TRIM7: variants seen among roughly 807,000 people sequenced by gnomAD.
TRIM7 encodes E3 ubiquitin-protein ligase TRIM7.
Under a neutral mutation model 37.9 loss-of-function variants are expected in TRIM7, and 32 were observed. The observed-to-expected ratio is 0.84, with a 90% CI of 0.64 to 1.13. The LOEUF (loss-of-function observed/expected upper bound fraction) is 1.13, where lower values mean the gene tolerates loss of function less well. Ranked by LOEUF, TRIM7 falls within the 50% of genes most tolerant of loss-of-function variation. TRIM7 has a pLI of 0.00. For synonymous variants in TRIM7, 351 were observed against 321.3 expected, an observed-to-expected ratio of 1.09 and a Z score of -0.99; for missense variants, 732 against 714.0, an observed-to-expected ratio of 1.03 and a Z score of -0.29.
In TRIM7 at chr5:181,203,639, T is replaced by C. The variant is rs1304454096; in HGVS notation, c.524A>G (p.Glu175Gly). Residue 175 changes from glutamate to glycine, a missense_variant and splice_region_variant, in exon 2 of 7, where the codon GAG (glutamate) becomes GGG (glycine). Coordinates refer to ENST00000274773, the MANE Select transcript of TRIM7 (RefSeq NM_203293.3). ...PLDEAVQEAKELLESRLRVLK... is the reference protein window; with the variant it reads ...PLDEAVQEAKGLLESRLRVLK... Reference sequence around the variant, plus strand: ...GACCCTCAGCCTGGACTCCAAGAGCTCCTGTAGATGAAGGGAAACAATGTA... The same window carrying C: ...GACCCTCAGCCTGGACTCCAAGAGCCCCTGTAGATGAAGGGAAACAATGTA... 5 of 1,608,644 alleles carry C rather than the reference T, an allele frequency of 3.1e-6. No individual in the cohort carries two copies. Among genetic ancestry groups the C allele is most frequent in the Non-Finnish European group, 4.2e-6 (5 of 1,178,160 alleles).
chr5:181,201,424 C>T (rs907596642), intron 2 of TRIM7, among the ~76,000 whole-genome samples: 1 of 152,132 alleles, frequency 6.6e-6, no homozygotes, highest in Non-Finnish European at 1.5e-5. Context: ...GTAAATGAGA[C>T]AAGTGTCATA....
At chr5:181,196,785 A>AATTAGT (rs1757150203) in intron 6 of TRIM7, 1 of 152,182 alleles carries the variant, frequency 6.6e-6, no homozygotes, top group Non-Finnish European at 1.5e-5. Context: ...CTAATTGATC[A>AATTAGT]CTGCGGACGG....
At chr5:181,198,590 A>G in intron 5 of TRIM7, 100 bp downstream of exon 5, 2 of 846,080 alleles carry the variant, frequency 2.4e-6, no homozygotes, top group Non-Finnish European at 3.9e-6. Flanking sequence ...TCCTATTTTC[A>G]CACACAGCTT....
chr5:181,199,283 G>C, intron 3 of TRIM7, 166 bp from the exon 4 acceptor site: 1 of 730,496 alleles, frequency 1.4e-6, no homozygotes, highest in Non-Finnish European at 2.4e-6. Flanking sequence ...AGTGGCTGCT[G>C]GCTGCAGGGT....
intron 6 of TRIM7, chr5:181,196,112 T>C (rs1757104039): frequency 6.3e-6 from 1 of 159,414 alleles, no homozygotes; most frequent in African/African-American, 2.4e-5. Context: ...CCAGGCGCAG[T>C]GGCTCACGCC....
In TRIM7 at chr5:181,203,646, G is replaced by A; in HGVS notation, c.523-6C>T. The A allele has an allele frequency of 6.2e-7, 1 of 1,606,448 alleles. No homozygotes were observed. Among genetic ancestry groups the A allele is most frequent in the Non-Finnish European group, 8.5e-7 (1 of 1,177,252 alleles). ...AGCCTGGACTCCAAGAGCTCCTGTA[G>A]ATGAAGGGAAACAATGTAAGGTGGG... On this transcript the variant is annotated splice_polypyrimidine_tract_variant and splice_region_variant and intron_variant, in intron 1 of 6. Coordinates refer to ENST00000274773, the MANE Select transcript of TRIM7 (RefSeq NM_203293.3).
Position 181,195,375 on chromosome 5 carries a change from A to G in TRIM7, c.1327T>C (p.Trp443Arg). ...WALQLNGGQYWAVTSPERSPL... is the reference protein window; with the variant it reads ...WALQLNGGQYRAVTSPERSPL... ...GACCGCTCGGGGCTGGTCACGGCCC[A>G]GTACTGGCCGCCGTTGAGCTGCAGG... The change falls in exon 7 of 7, where the codon TGG becomes CGG. Residue 443 changes from tryptophan (W) to arginine (R), a missense_variant. Transcript: ENST00000274773. The G allele has an allele frequency of 6.3e-7, 1 of 1,580,456 alleles. No homozygotes were observed. Among genetic ancestry groups the G allele is most frequent in the Non-Finnish European group, 8.6e-7 (1 of 1,163,504 alleles).
intron 2 of TRIM7, chr5:181,200,973 C>A (rs184223761): frequency 1.0e-6 from 1 of 966,854 alleles, no homozygotes; most frequent in Admixed American, 6.2e-5. Context: ...TCAACCCTGA[C>A]GGCAGCCCAG....
rs753573355 is a variant in TRIM7, at chr5:181,199,991, G to A, written c.709C>T (p.Arg237Cys). Residue 237 changes from arginine (R) to cysteine (C), a missense_variant, in exon 3 of 7, where the codon CGC (arginine) becomes TGC (cysteine). Transcript: ENST00000274773. ...LVEQEGRLLGRLEELSREVAQ... is the reference protein window; with the variant it reads ...LVEQEGRLLGCLEELSREVAQ... Reference sequence around the variant, plus strand: ...ACCTCCCGGGACAGTTCCTCCAGGCGGCCTAGCAGCCGACCCTCCTGCTCC... The same window carrying A: ...ACCTCCCGGGACAGTTCCTCCAGGCAGCCTAGCAGCCGACCCTCCTGCTCC... 15 of 1,614,130 alleles carry A rather than the reference G, an allele frequency of 9.3e-6. No homozygotes were observed. The highest frequency in any genetic ancestry group is 2.2e-5 in the East Asian group (1 of 44,896).
In TRIM7 at chr5:181,195,071, A is replaced by G. The variant is rs920410170; in HGVS notation, c.*95T>C. 16 of 1,453,674 alleles carry G rather than the reference A, an allele frequency of 1.1e-5. No individual in the cohort carries two copies. Among genetic ancestry groups the G allele is most frequent in the Middle Eastern group, 4.8e-4 (2 of 4,156 alleles). The allele number at this position is 1,453,674 out of a possible 1,614,324, so 90.0% of individuals were successfully genotyped here. A position where few individuals can be genotyped will look rare whatever the true frequency, so the allele number is the denominator to read the frequency against. On this transcript the variant is annotated 3_prime_UTR_variant, in exon 7 of 7. Coordinates refer to ENST00000274773, the MANE Select transcript of TRIM7 (RefSeq NM_203293.3). ...CTCTTGGGCAGCAGGGGTCAGGAGCACGGAGGGCAGACCCAAGACGGACCA... is the reference window on the plus strand; with the variant it reads ...CTCTTGGGCAGCAGGGGTCAGGAGCGCGGAGGGCAGACCCAAGACGGACCA...
In TRIM7 at chr5:181,198,721, A is replaced by C. The variant is rs202093181; in HGVS notation, c.957T>G (p.Phe319Leu). 7.9e-5 allele frequency: 128 copies of C among 1,613,952 alleles called. No individual in the cohort carries two copies. Among genetic ancestry groups the C allele is most frequent in the Admixed American group, 2.2e-4 (13 of 59,972 alleles). The change falls in exon 5 of 7, where the codon TTT becomes TTG. Residue 319 changes from phenylalanine to leucine, a missense_variant. Physicochemically the swap from Phe to Leu is conservative, Grantham distance 22. Coordinates refer to ENST00000274773, the MANE Select transcript of TRIM7 (RefSeq NM_203293.3). The part of the protein sequence containing the change: ...NKVWNVSLKT[F>L]VLKGMLKKFK... Reference sequence around the variant, plus strand: ...ACTTCTTCAGCATCCCTTTTAAGACAAAGGTCTTGAGAGAAACATTCCAGA... The same window carrying C: ...ACTTCTTCAGCATCCCTTTTAAGACCAAGGTCTTGAGAGAAACATTCCAGA...
chr5:181,200,144 C>T (rs1183485572), intron 2 of TRIM7, 63 bp from the exon 3 acceptor site: 1 of 1,613,550 alleles, frequency 6.2e-7, no homozygotes, highest in East Asian at 2.2e-5. Context: ...TGGCCAGTGG[C>T]CTGAGTCATC....
rs564712426 is a variant in TRIM7, at chr5:181,198,306, C to G, written c.989-88G>C. 2,785 of 1,363,148 alleles carry G rather than the reference C, an allele frequency of 2.0e-3. 4 individuals are homozygous for G. Among genetic ancestry groups the G allele is most frequent in the Non-Finnish European group, 2.0e-3 (1,935 of 960,426 alleles). The allele number at this position is 1,363,148 out of a possible 1,614,324, so 84.4% of individuals were successfully genotyped here. A position where few individuals can be genotyped will look rare whatever the true frequency, so the allele number is the denominator to read the frequency against. ...CCAGCTCTTTATATCCCAACTGACTCATTCATTCCCCAGAGACTCCTAAGG... is the reference window on the plus strand; with the variant it reads ...CCAGCTCTTTATATCCCAACTGACTGATTCATTCCCCAGAGACTCCTAAGG... On this transcript the variant is annotated intron_variant, in intron 5 of 6. Coordinates refer to ENST00000274773, the MANE Select transcript of TRIM7 (RefSeq NM_203293.3).
In TRIM7 at chr5:181,204,776, G is replaced by A. The variant is rs1757718908; in HGVS notation, c.335C>T (p.Ala112Val). The change falls in exon 1 of 7, where the codon GCC becomes GTC. Residue 112 changes from alanine to valine, a missense_variant. Transcript: ENST00000274773. ...CGCCTGAGACCCGTGCTCTCCCGGG[G>A]CAGCCGCGGGCAGGCTGAAGCGCCG... is the stretch of plus-strand genomic sequence containing the variant. Reference protein sequence around the residue: ...LLRRFSLPAAAPGEHGSQAAA... With the variant: ...LLRRFSLPAAVPGEHGSQAAA... The A allele has an allele frequency of 1.4e-6, 2 of 1,432,104 alleles. No homozygotes were observed. The highest frequency in any genetic ancestry group is 3.0e-5 in the African/African-American group (2 of 66,060). The allele number at this position is 1,432,104 out of a possible 1,614,324, so 88.7% of individuals were successfully genotyped here.
At position 181,194,217 on chromosome 5, in the gene TRIM7, T is replaced by C. The variant is rs1756964009; in HGVS notation, c.*949A>G. 1 of 152,266 alleles carries C rather than the reference T, an allele frequency of 6.6e-6. No individual in the cohort carries two copies. The highest frequency in any genetic ancestry group is 1.5e-5 in the Non-Finnish European group (1 of 68,058). 9.4% of individuals were successfully genotyped at this position (152,266 alleles called of 1,614,324 possible). A position where few individuals can be genotyped will look rare whatever the true frequency, so the allele number is the denominator to read the frequency against. On this transcript the variant is annotated 3_prime_UTR_variant, in exon 7 of 7. Coordinates refer to ENST00000274773, the MANE Select transcript of TRIM7 (RefSeq NM_203293.3). ...CTTTAAAATTGTAAGTGCCAACTTGTGTTTTGTGTTTCAAAGTTCCAGAAG... is the reference window on the plus strand; with the variant it reads ...CTTTAAAATTGTAAGTGCCAACTTGCGTTTTGTGTTTCAAAGTTCCAGAAG...
Position 181,200,297 on chromosome 5 carries a change from A to G in TRIM7, c.619-216T>C. The G allele has an allele frequency of 1.5e-5, 21 of 1,439,812 alleles. No homozygotes were observed. In the South Asian group the frequency reaches 3.0e-4, roughly 20 times the overall value. 89.2% of individuals were successfully genotyped at this position (1,439,812 alleles called of 1,614,324 possible). A position where few individuals can be genotyped will look rare whatever the true frequency, so the allele number is the denominator to read the frequency against. Reference sequence around the variant, plus strand: ...CATGCTCTTTTCTCCCCTGCCACAGATGCACCCACACATGTCTGTGGACCT... The same window carrying G: ...CATGCTCTTTTCTCCCCTGCCACAGGTGCACCCACACATGTCTGTGGACCT... On this transcript the variant is annotated intron_variant, in intron 2 of 6. Transcript: ENST00000274773.
rs373835929 is a variant in TRIM7, at chr5:181,203,631, C to G, written c.532G>C (p.Glu178Gln). The change falls in exon 2 of 7, where the codon GAG (glutamate) becomes CAG (glutamine). Residue 178 changes from glutamate to glutamine, a missense_variant. Glu to Gln is a conservative substitution (Grantham distance 29). Transcript: ENST00000274773. ...EAVQEAKELL[E>Q]SRLRVLKKEL... ...TTCTTCAAGACCCTCAGCCTGGACT[C>G]CAAGAGCTCCTGTAGATGAAGGGAA... The G allele has an allele frequency of 6.2e-7, 1 of 1,611,490 alleles. No individual in the cohort carries two copies. The highest frequency in any genetic ancestry group is 1.7e-4 in the Middle Eastern group (1 of 6,046).
rs758818114 is a variant in TRIM7, at chr5:181,195,465, C to T, written c.1237G>A (p.Val413Met). The T allele has an allele frequency of 5.0e-6, 8 of 1,611,820 alleles. 1 individual carries two copies. In the South Asian group the frequency reaches 8.8e-5, roughly 18 times the overall value. The change falls in exon 7 of 7, where the codon GTG becomes ATG. Residue 413 changes from valine to methionine, a missense_variant. Transcript: ENST00000274773. ...VGSKDGWAFG[V>M]ARESVRRKGL... ...TTTCGGCGCACGCTCTCGCGGGCCA[C>T]GCCAAAGGCCCAGCCGTCCTTAGAG... is the stretch of plus-strand genomic sequence containing the variant.
Position 181,205,028 on chromosome 5 carries a change from G to A in TRIM7, c.83C>T (p.Thr28Met). The A allele has an allele frequency of 9.6e-6, 14 of 1,452,248 alleles. No individual in the cohort carries two copies. Among genetic ancestry groups the A allele is most frequent in the Non-Finnish European group, 1.3e-5 (14 of 1,109,244 alleles). The allele number at this position is 1,452,248 out of a possible 1,614,324, so 90.0% of individuals were successfully genotyped here. The change falls in exon 1 of 7, where the codon ACG becomes ATG. Residue 28 changes from threonine to methionine, a missense_variant. Thr to Met is a moderately conservative substitution (Grantham distance 81, BLOSUM62 -1). Coordinates refer to ENST00000274773, the MANE Select transcript of TRIM7 (RefSeq NM_203293.3). ...ALAAELQGEATCSICLELFRE... is the reference protein window; with the variant it reads ...ALAAELQGEAMCSICLELFRE... ...AAAGAGCTCTAGGCAGATGGAGCAC[G>A]TCGCCTCGCCCTGCAGCTCTGCCGC...
Sources: gnomAD v4.1 joint callset for allele counts (sites outside exome capture counted in the v4.1 genomes callset) on GRCh38, gnomAD v4.1.1 for gene constraint, MANE v1.5 for transcripts, NCBI Gene and HGNC (gene_info 2026-07-23, HGNC 2026-07-21) for gene names.